Variants in GREB1L observed in about 807,000 individuals in gnomAD.
The protein encoded by GREB1L is GREB1 like retinoic acid receptor coactivator.
A neutral mutation model predicts 200.8 loss-of-function variants in GREB1L; 17 were observed. That is an observed-to-expected ratio of 0.08 (90% CI 0.06 to 0.13). The LOEUF (loss-of-function observed/expected upper bound fraction) is 0.13, where lower values mean the gene tolerates loss of function less well. GREB1L is among the 10% of genes least tolerant of loss of function. The pLI, the probability that GREB1L is intolerant of heterozygous loss-of-function variation, is 1.00. For synonymous variants in GREB1L, 789 were observed against 893.0 expected, an observed-to-expected ratio of 0.88 and a Z score of 2.08; for missense variants, 1,657 against 2,367.7, an observed-to-expected ratio of 0.70 and a Z score of 6.23.
rs2037657918 is a variant in GREB1L, at chr18:21,524,835, A to G, written c.*2014A>G. 1 of 152,136 alleles carries G rather than the reference A, an allele frequency of 6.6e-6. No homozygotes were observed. The allele number at this position is 152,136 out of a possible 1,614,324, so 9.4% of individuals were successfully genotyped here. A position where few individuals can be genotyped will look rare whatever the true frequency, so the allele number is the denominator to read the frequency against. On this transcript the variant is annotated 3_prime_UTR_variant, in exon 33 of 33. Transcript: ENST00000424526. ...AACTCTGGAAGAGATATGCCAGAAT[A>G]AAGCCAAAAGACCATCACCCCTATA...
At chr18:21,303,494 T>C (rs1421489462) in intron 1 of GREB1L, among the ~76,000 whole-genome samples, 1 of 152,212 alleles carries the variant, frequency 6.6e-6, no homozygotes, top group Non-Finnish European at 1.5e-5. Context: ...ATAATTGATT[T>C]TGAAATTGTC....
chr18:21,444,281 T>C lies in GREB1L; in HGVS notation c.1265T>C (p.Leu422Pro). 1 of 1,551,688 alleles carries C rather than the reference T, an allele frequency of 6.4e-7. No homozygotes were observed. The highest frequency in any genetic ancestry group is 8.7e-7 in the Non-Finnish European group (1 of 1,146,748). ...GNVGDIVVSP[L>P]LVNCYKIPQL... ...GTTGGTGACATTGTTGTGAGTCCTC[T>C]GCTGGTGAATTGCTACAAGATTCCA... Residue 422 changes from leucine to proline, a missense_variant, in exon 11 of 33, where the codon CTG becomes CCG. Coordinates refer to ENST00000424526, the MANE Select transcript of GREB1L (RefSeq NM_001142966.3).
intron 1 of GREB1L, among the ~76,000 whole-genome samples, chr18:21,321,237 G>T (rs999290187): frequency 2.0e-5 from 3 of 152,080 alleles, no homozygotes; most frequent in Admixed American, 2.0e-4. Context: ...GGAGGTTTCA[G>T]TGAGCCAAGA....
chr18:21,377,117 AACC>A (rs2040106976), intron 2 of GREB1L, among the ~76,000 whole-genome samples: 1 of 152,136 alleles, frequency 6.6e-6, no homozygotes, highest in African/African-American at 2.4e-5. Context: ...ATCAACTACA[AACC>A]ACCACAACAT....
At chr18:21,370,641 AGGTTAGG>A (rs1339733940) in intron 2 of GREB1L, among the ~76,000 whole-genome samples, 3 of 152,220 alleles carry the variant, frequency 2.0e-5, no homozygotes, top group Non-Finnish European at 4.4e-5. Context: ...AGCTTGAGAT[AGGTTAGG>A]GGACTTGTTC....
intron 7 of GREB1L, among the ~76,000 whole-genome samples, chr18:21,429,095 T>G (rs989576074): frequency 1.3e-5 from 2 of 150,782 alleles, no homozygotes; most frequent in African/African-American, 4.9e-5. Flanking sequence ...TTCATGTGTT[T>G]CATAAACTAT....
At chr18:21,243,617 A>G (rs1269345009) in intron 1 of GREB1L, among the ~76,000 whole-genome samples, 1 of 152,206 alleles carries the variant, frequency 6.6e-6, no homozygotes, top group Non-Finnish European at 1.5e-5. Flanking sequence ...AAAACCTCTC[A>G]TTCATCTATA....
At chr18:21,478,988 TCTC>T (rs1405624116) in intron 17 of GREB1L, among the ~76,000 whole-genome samples, 1 of 152,138 alleles carries the variant, frequency 6.6e-6, no homozygotes, top group Non-Finnish European at 1.5e-5. Context: ...TTCAAGCAGT[TCTC>T]CTGCCTCAGC....
intron 23 of GREB1L, among the ~76,000 whole-genome samples, chr18:21,501,352 C>T (rs191869093): frequency 4.6e-5 from 7 of 151,952 alleles, no homozygotes; most frequent in Admixed American, 1.3e-4. Context: ...CCTACCAACC[C>T]GTCATCTACG....
chr18:21,252,484 G>A (rs2037725206), intron 1 of GREB1L, among the ~76,000 whole-genome samples: 1 of 151,266 alleles, frequency 6.6e-6, no homozygotes, highest in South Asian at 2.1e-4. Context: ...TTGAACCAGG[G>A]AGGCGGAGGT....
chr18:21,326,799 A>G (rs1037693124), intron 1 of GREB1L, among the ~76,000 whole-genome samples: 2 of 152,230 alleles, frequency 1.3e-5, no homozygotes, highest in African/African-American at 4.8e-5. Context: ...CTTCCCATTT[A>G]GAAACTTCCC....
At chr18:21,445,532 A>G (rs1450681645) in intron 11 of GREB1L, among the ~76,000 whole-genome samples, 1 of 152,226 alleles carries the variant, frequency 6.6e-6, no homozygotes, top group East Asian at 1.9e-4. Context: ...ATTACACATA[A>G]AAATATTAGT....
At chr18:21,466,700 A>G (rs1366519459) in intron 15 of GREB1L, among the ~76,000 whole-genome samples, 2 of 152,180 alleles carry the variant, frequency 1.3e-5, no homozygotes, top group Non-Finnish European at 2.9e-5. Flanking sequence ...TACAGATTCA[A>G]TGCATCCCCT....
At chr18:21,386,861 A>C (rs2040565166) in intron 4 of GREB1L, among the ~76,000 whole-genome samples, 1 of 152,156 alleles carries the variant, frequency 6.6e-6, no homozygotes, top group African/African-American at 2.4e-5. Flanking sequence ...TCTTACTCAA[A>C]GGGAGAACAG....
chr18:21,496,751 T>G (rs1316673307), intron 21 of GREB1L, 53 bp downstream of exon 21: 13 of 1,526,300 alleles, frequency 8.5e-6, no homozygotes, highest in Non-Finnish European at 1.1e-5. Flanking sequence ...TCAGGAGGTG[T>G]GTAGGAATTT....
At chr18:21,404,383 G>A (rs1393665293) in intron 7 of GREB1L, among the ~76,000 whole-genome samples, 2 of 152,260 alleles carry the variant, frequency 1.3e-5, no homozygotes, top group Admixed American at 6.5e-5. Context: ...ACGTCATAGG[G>A]AGTAGTGCAC....
At chr18:21,248,330 A>G (rs763301648) in intron 1 of GREB1L, among the ~76,000 whole-genome samples, 5 of 152,176 alleles carry the variant, frequency 3.3e-5, no homozygotes, top group Non-Finnish European at 7.3e-5. Flanking sequence ...TTTCAGGTGA[A>G]GCTAGAAATT....
At chr18:21,512,385 A>G (rs1267475110) in intron 27 of GREB1L, among the ~76,000 whole-genome samples, 2 of 152,178 alleles carry the variant, frequency 1.3e-5, no homozygotes, top group East Asian at 3.8e-4. Context: ...TTTTCACTGT[A>G]CAAGTCTTTT....
chr18:21,388,048 C>T (rs550303282), intron 4 of GREB1L, among the ~76,000 whole-genome samples: 4 of 152,238 alleles, frequency 2.6e-5, no homozygotes, highest in Non-Finnish European at 4.4e-5. Context: ...CCTTGGCAGG[C>T]GAACTTATTC....
Sources: allele counts gnomAD v4.1 joint callset (sites outside exome capture counted in the v4.1 genomes callset), GRCh38; gene constraint gnomAD v4.1.1; transcripts MANE v1.5; gene names NCBI Gene and HGNC (gene_info 2026-07-23, HGNC 2026-07-21).